Variants in SLC36A1 observed in about 807,000 individuals in gnomAD.
SLC36A1 encodes the protein solute carrier family 36 member 1.
SLC36A1 carries 30 observed loss-of-function variants against 47.5 expected under a neutral mutation model. The observed-to-expected ratio is 0.63, with a 90% confidence interval of 0.47 to 0.86. The LOEUF (loss-of-function observed/expected upper bound fraction) is 0.86. Ranked by LOEUF, SLC36A1 falls within the 40% of genes least tolerant of loss-of-function variation. The pLI, the probability that SLC36A1 is intolerant of heterozygous loss-of-function variation, is 0.00. For synonymous variants in SLC36A1, 255 were observed against 249.7 expected (o/e 1.02, Z -0.20); for missense variants, 517 against 606.0 (o/e 0.85, Z 1.54).
At chr5:151,396,410 T>A in the SLC36A1 span, among the ~76,000 whole-genome samples, 1 of 152,172 alleles carries the variant, frequency 6.6e-6, no homozygotes, top group African/African-American at 2.4e-5. Flanking sequence ...CTTCTCTTAT[T>A]ATTATTAATG....
chr5:151,394,601 T>C, the SLC36A1 span, among the ~76,000 whole-genome samples: 2 of 152,248 alleles, frequency 1.3e-5, no homozygotes, highest in Non-Finnish European at 1.5e-5. Context: ...CCTTTCTGTT[T>C]GTTAGCTTTC....
At chr5:151,508,843 G>C in the SLC36A1 span, among the ~76,000 whole-genome samples, 1 of 152,124 alleles carries the variant, frequency 6.6e-6, no homozygotes, top group Non-Finnish European at 1.5e-5. Flanking sequence ...TTATACACAG[G>C]CTAATAGCAA....
At chr5:151,391,818 G>T in the SLC36A1 span, among the ~76,000 whole-genome samples, 1 of 152,008 alleles carries the variant, frequency 6.6e-6, no homozygotes, top group Non-Finnish European at 1.5e-5. Context: ...ATTTTATTGA[G>T]GATTTTTGCA....
the SLC36A1 span, among the ~76,000 whole-genome samples, chr5:151,552,929 G>A: frequency 6.6e-6 from 1 of 152,218 alleles, no homozygotes; most frequent in Admixed American, 6.5e-5. Context: ...GGGTAACTGA[G>A]GCACTGCCAA....
chr5:151,393,291 T>A, the SLC36A1 span, among the ~76,000 whole-genome samples: 3 of 152,322 alleles, frequency 2.0e-5, no homozygotes, highest in Admixed American at 1.3e-4. Flanking sequence ...TGAGCCTATG[T>A]GTGTGTCTGC....
At chr5:151,527,458 CA>C in the SLC36A1 span, 153 of 1,362,902 alleles carry the variant, frequency 1.1e-4, no homozygotes, top group South Asian at 2.5e-4. Flanking sequence ...CTAATATTTT[CA>C]AAAAAAATAA....
Position 151,488,453 on chromosome 5 carries a change from C to T in SLC36A1, c.*199C>T. 1.5e-6 allele frequency: 1 copy of T among 650,722 alleles called. No homozygotes were observed. The highest frequency in any genetic ancestry group is 2.6e-6 in the Non-Finnish European group (1 of 385,660). The allele number at this position is 650,722 out of a possible 1,614,324, so 40.3% of individuals were successfully genotyped here. On this transcript the variant is annotated 3_prime_UTR_variant, in exon 11 of 11. Transcript: ENST00000243389. Reference sequence around the variant, plus strand: ...GTGGGGTGGCAGACACGCAGAAGTGCTACTAGTGACAGGGCTGCCATCGCT... The same window carrying T: ...GTGGGGTGGCAGACACGCAGAAGTGTTACTAGTGACAGGGCTGCCATCGCT...
At position 151,479,392 on chromosome 5, in the gene SLC36A1, G is replaced by T. The variant is rs757212363; in HGVS notation, c.1062G>T (p.Pro354=). Residue 354 remains proline (P), a synonymous_variant, in exon 10 of 11, where the codon CCG becomes CCT. Transcript: ENST00000243389. ...CCTACGCACTCCAGTTCTACGTCCC[G>T]GCTGAGATCATCATCCCCTTCTTTG... ...FFTYALQFYV[P]AEIIIPFFVS... is the part of the protein sequence containing the mutation. The T allele has an allele frequency of 1.2e-6, 2 of 1,614,194 alleles. No individual in the cohort carries two copies. The highest frequency in any genetic ancestry group is 2.2e-5 in the South Asian group (2 of 91,080).
rs1174422591 is a variant in SLC36A1 at position 151,473,179 on chromosome 5, T to C, written c.724-494T>C. On this transcript the variant is annotated intron_variant, in intron 7 of 10. Transcript: ENST00000243389. ...GACAGAAGGAGACTCTGTCTCTAGATAGATAGATAGATAGATAGATAGATA... is the reference window on the plus strand; with the variant it reads ...GACAGAAGGAGACTCTGTCTCTAGACAGATAGATAGATAGATAGATAGATA... 1.2e-4 allele frequency among the ~76,000 whole-genome samples: 7 copies of C among 56,496 alleles called. No homozygotes were observed. In the South Asian group the frequency reaches 1.8e-3, roughly 15 times the overall value. 37.1% of individuals were successfully genotyped at this position (56,496 alleles called of 152,430 possible).
At chr5:151,406,190 A>C in the SLC36A1 span, among the ~76,000 whole-genome samples, 2 of 152,146 alleles carry the variant, frequency 1.3e-5, no homozygotes, top group Non-Finnish European at 2.9e-5. Context: ...GGGTGGCTTG[A>C]GCTGAAGGTT....
chr5:151,373,082 A>T, the SLC36A1 span, among the ~76,000 whole-genome samples: 76,389 of 148,392 alleles, frequency 0.51, 21,690 homozygotes, highest in African/African-American at 0.81. Flanking sequence ...TTTGAAGAAA[A>T]AAAGAAATAA....
At chr5:151,545,382 AG>A in the SLC36A1 span, 1 of 1,614,218 alleles carries the variant, frequency 6.2e-7, no homozygotes, top group Non-Finnish European at 8.5e-7. Context: ...GGATGGTAAC[AG>A]CTTCATCAGC....
At chr5:151,351,551 G>A in the SLC36A1 span, among the ~76,000 whole-genome samples, 1 of 152,120 alleles carries the variant, frequency 6.6e-6, no homozygotes, top group Non-Finnish European at 1.5e-5. Flanking sequence ...CTGGTGAACG[G>A]GAATGGGGTC....
chr5:151,501,127 A>G, the SLC36A1 span, among the ~76,000 whole-genome samples: 1 of 152,198 alleles, frequency 6.6e-6, no homozygotes, highest in East Asian at 1.9e-4. Flanking sequence ...CCCTTTCTCT[A>G]TGGGCCTTAG....
At chr5:151,378,137 C>T in the SLC36A1 span, 1 of 326,934 alleles carries the variant, frequency 3.1e-6, no homozygotes, top group Non-Finnish European at 6.0e-6. Context: ...TGTCTCCATG[C>T]AAGAAAAAGG....
chr5:151,418,621 G>T, the SLC36A1 span, among the ~76,000 whole-genome samples: 1 of 152,190 alleles, frequency 6.6e-6, no homozygotes, highest in Non-Finnish European at 1.5e-5. Flanking sequence ...CCCAATGTCT[G>T]TACCACCATT....
At chr5:151,462,968 C>T (rs34920684) in intron 2 of SLC36A1, among the ~76,000 whole-genome samples, 21,045 of 151,828 alleles carry the variant, frequency 0.14, 1,607 homozygotes, top group East Asian at 0.25. Flanking sequence ...CTCTGCCTCC[C>T]GGGTTCAAGC....
At chr5:151,454,083 ATTT>A (rs35097474) in intron 1 of SLC36A1, among the ~76,000 whole-genome samples, 30 of 88,104 alleles carry the variant, frequency 3.4e-4, no homozygotes, top group African/African-American at 1.4e-3. Context: ...GTACACTTAA[ATTT>A]TTTTTTTTTT....
the SLC36A1 span, among the ~76,000 whole-genome samples, chr5:151,381,527 A>C: frequency 6.6e-6 from 1 of 152,182 alleles, no homozygotes; most frequent in African/African-American, 2.4e-5. Context: ...TGGGGACTAG[A>C]CTAGCCACAG....
Sources: allele counts gnomAD v4.1 joint callset (sites outside exome capture counted in the v4.1 genomes callset), GRCh38; gene constraint gnomAD v4.1.1; transcripts MANE v1.5; gene names NCBI Gene and HGNC (gene_info 2026-07-23, HGNC 2026-07-21).